PYGB: variants seen among roughly 807,000 people sequenced by gnomAD.
The protein encoded by PYGB is glycogen phosphorylase, brain form.
A neutral mutation model predicts 94.3 loss-of-function variants in PYGB; 82 were observed. That is an observed-to-expected ratio of 0.87 (90% CI 0.73 to 1.04). PYGB has a LOEUF of 1.04. Among genes scored for constraint, PYGB ranks in the 50% least tolerant of loss-of-function variants. The pLI, the probability that PYGB is intolerant of heterozygous loss-of-function variation, is 0.00. For synonymous variants in PYGB, 488 were observed against 479.1 expected (o/e 1.02, Z -0.24); for missense variants, 1,132 against 1,158.2 (o/e 0.98, Z 0.33).
In PYGB at chr20:25,297,944, CT is replaced by C. The variant is rs1416781602; in HGVS notation, c.*1423del. 1 of 152,312 alleles carries C rather than the reference CT, an allele frequency of 6.6e-6. No homozygotes were observed. The highest frequency in any genetic ancestry group is 1.5e-5 in the Non-Finnish European group (1 of 68,104). 9.4% of individuals were successfully genotyped at this position (152,312 alleles called of 1,614,324 possible). ...ACTGGGGCCACCACCCTGACCACCA[CT>C]GTGCCCCTCATTGTTACTGCCTTGT... On this transcript the variant is annotated 3_prime_UTR_variant, in exon 20 of 20. Coordinates refer to ENST00000216962, the MANE Select transcript of PYGB (RefSeq NM_002862.4).
chr20:25,269,470 C>T (rs111313928), intron 3 of PYGB, among the ~76,000 whole-genome samples: 3,137 of 152,292 alleles, frequency 0.021, 101 homozygotes, highest in African/African-American at 0.071. Context: ...GAGGGGCTCC[C>T]GATATGCTGA....
intron 1 of PYGB, among the ~76,000 whole-genome samples, chr20:25,252,216 T>G (rs950249935): frequency 2.0e-5 from 3 of 152,238 alleles, no homozygotes; most frequent in African/African-American, 7.2e-5. Flanking sequence ...AGGCCTCAGC[T>G]GTCATTTTAG....
Position 25,296,605 on chromosome 20 carries a change from G to C in PYGB, c.*83G>C. The C allele has an allele frequency of 6.7e-7, 1 of 1,502,818 alleles. No individual in the cohort carries two copies. The highest frequency in any genetic ancestry group is 8.9e-7 in the Non-Finnish European group (1 of 1,117,414). 93.1% of individuals were successfully genotyped at this position (1,502,818 alleles called of 1,614,324 possible). A position where few individuals can be genotyped will look rare whatever the true frequency, so the allele number is the denominator to read the frequency against. On this transcript the variant is annotated 3_prime_UTR_variant, in exon 20 of 20. Transcript: ENST00000216962. ...CCTTTTTTCCCCAAACACTTTGCCA[G>C]CCACTGGTGGTCCCTGCTTTTCTGA...
chr20:25,257,604 G>A (rs551139548), intron 1 of PYGB, among the ~76,000 whole-genome samples: 1 of 152,274 alleles, frequency 6.6e-6, no homozygotes, highest in African/African-American at 2.4e-5. Context: ...TGAGACGCGA[G>A]GATCACTTGA....
At chr20:25,272,276 A>G (rs1055273145) in intron 4 of PYGB, among the ~76,000 whole-genome samples, 1 of 152,220 alleles carries the variant, frequency 6.6e-6, no homozygotes, top group Non-Finnish European at 1.5e-5. Context: ...TACAACCCCA[A>G]TGAATGTGTG....
chr20:25,248,674 C>T (rs893506163), intron 1 of PYGB, among the ~76,000 whole-genome samples: 31 of 140,404 alleles, frequency 2.2e-4, no homozygotes, highest in African/African-American at 7.5e-4. Context: ...CGCCGTCCCC[C>T]GCAGATGATG....
In PYGB at chr20:25,280,380, A is replaced by G; in HGVS notation, c.1207A>G (p.Ile403Val). Residue 403 changes from isoleucine to valine, a missense_variant, in exon 10 of 20, where the codon ATA (isoleucine) becomes GTA (valine). By Grantham distance (29) the Ile-to-Val change is conservative (BLOSUM62 3). Transcript: ENST00000216962. ...GAAGCTGCTGCCGCGGCACCTGGAG[A>G]TAATCTATGCCATCAACCAGCGGCA... ...FEKLLPRHLE[I>V]IYAINQRHLD... The G allele has an allele frequency of 6.2e-7, 1 of 1,614,148 alleles. No homozygotes were observed. The highest frequency in any genetic ancestry group is 8.5e-7 in the Non-Finnish European group (1 of 1,180,014).
chr20:25,283,098 G>A, intron 12 of PYGB, 78 bp from the exon 13 acceptor site: 1 of 1,216,580 alleles, frequency 8.2e-7, no homozygotes, highest in Non-Finnish European at 1.2e-6. Context: ...GGGCAACAAT[G>A]GGAGGAGGGC....
At position 25,282,135 on chromosome 20, in the gene PYGB, T is replaced by C; in HGVS notation, c.1506T>C (p.Asp502=). 1 of 1,612,144 alleles carries C rather than the reference T, an allele frequency of 6.2e-7. No individual in the cohort carries two copies. Among genetic ancestry groups the C allele is most frequent in the Non-Finnish European group, 8.5e-7 (1 of 1,179,154 alleles). The change falls in exon 12 of 20, where the codon GAT becomes GAC. Residue 502 remains aspartate (D), a synonymous_variant. Transcript: ENST00000216962. The part of the protein sequence containing the change: ...WLLLCNPGLA[D]TIVEKIGEEF... ...TGCTGTGCAACCCGGGGCTGGCCGA[T>C]ACCATCGTGGAGGTGAGTCCCGGGC...
chr20:25,294,984 C>G, intron 18 of PYGB: 1 of 1,614,222 alleles, frequency 6.2e-7, no homozygotes. Context: ...CACACCAGCT[C>G]TGACCACATG....
At chr20:25,286,051 G>GGT (rs1361789779) in intron 14 of PYGB, among the ~76,000 whole-genome samples, 5 of 152,154 alleles carry the variant, frequency 3.3e-5, no homozygotes, top group African/African-American at 1.2e-4. Context: ...CTGGAGGGTG[G>GGT]GTGTGTGTGC....
At chr20:25,286,172 G>GAAC (rs2088416630) in intron 14 of PYGB, among the ~76,000 whole-genome samples, 2 of 152,240 alleles carry the variant, frequency 1.3e-5, no homozygotes, top group African/African-American at 2.4e-5. Flanking sequence ...GGTGCTTGTT[G>GAAC]AACGTGTTGC....
intron 14 of PYGB, chr20:25,285,281 T>C (rs1486180805): frequency 6.6e-6 from 1 of 152,136 alleles, no homozygotes; most frequent in African/African-American, 2.4e-5. Context: ...CCTCCTGCAG[T>C]TGTGATGCTC....
intron 2 of PYGB, among the ~76,000 whole-genome samples, chr20:25,261,866 A>G (rs543047109): frequency 1.2e-3 from 176 of 152,360 alleles, no homozygotes; most frequent in Admixed American, 3.1e-3. Flanking sequence ...GATCAACTGG[A>G]AAAAAGGGTA....
chr20:25,252,659 T>G (rs371336771), intron 1 of PYGB, among the ~76,000 whole-genome samples: 5 of 152,248 alleles, frequency 3.3e-5, no homozygotes, highest in Admixed American at 2.0e-4. Context: ...ATAGAAGATA[T>G]GCAGAGGGCA....
chr20:25,269,520 C>T (rs1246107273), intron 3 of PYGB, among the ~76,000 whole-genome samples: 2 of 151,462 alleles, frequency 1.3e-5, no homozygotes, highest in Non-Finnish European at 3.0e-5. Flanking sequence ...TGGCAGACAG[C>T]CCAAAGGATG....
In PYGB at chr20:25,292,521, C is replaced by T. The variant is rs992488336; in HGVS notation, c.2085C>T (p.Gly695=). 13 of 1,613,394 alleles carry T rather than the reference C, an allele frequency of 8.1e-6. No individual in the cohort carries two copies. Among genetic ancestry groups the T allele is most frequent in the African/African-American group, 2.7e-5 (2 of 74,946 alleles). The change falls in exon 17 of 20, where the codon GGC becomes GGT. Residue 695 remains glycine (G), a synonymous_variant. Coordinates refer to ENST00000216962, the MANE Select transcript of PYGB (RefSeq NM_002862.4). ...CCCTCACCATCGGCACCATGGACGGCGCCAACGTGGAGATGGCCGAGGAGG... is the reference window on the plus strand; with the variant it reads ...CCCTCACCATCGGCACCATGGACGGTGCCAACGTGGAGATGGCCGAGGAGG... ...NGALTIGTMD[G]ANVEMAEEAG...
Position 25,281,084 on chromosome 20 carries a change from A to T in PYGB, c.1375A>T (p.Ile459Phe). The change falls in exon 11 of 20, where the codon ATC becomes TTC. Residue 459 changes from isoleucine (I) to phenylalanine (F), a missense_variant. Ile to Phe is a conservative substitution (Grantham distance 21). Transcript: ENST00000216962. ...GSHAVNGVARIHSEIVKQSVF... is the reference protein window; with the variant it reads ...GSHAVNGVARFHSEIVKQSVF... Reference sequence around the variant, plus strand: ...CCATGCTGTCAATGGTGTGGCGAGGATCCACTCGGAGATCGTGAAACAGTC... The same window carrying T: ...CCATGCTGTCAATGGTGTGGCGAGGTTCCACTCGGAGATCGTGAAACAGTC... 1 of 1,614,142 alleles carries T rather than the reference A, an allele frequency of 6.2e-7. No homozygotes were observed. The highest frequency in any genetic ancestry group is 1.1e-5 in the South Asian group (1 of 91,074).
chr20:25,296,329 C>A, intron 19 of PYGB, 41 bp from the exon 20 acceptor site: 3 of 1,610,930 alleles, frequency 1.9e-6, no homozygotes, highest in Non-Finnish European at 2.5e-6. Context: ...CAGCCCCAAG[C>A]CCTGTGACGC....
Sources: gnomAD v4.1 joint callset for allele counts (sites outside exome capture counted in the v4.1 genomes callset) on GRCh38, gnomAD v4.1.1 for gene constraint, MANE v1.5 for transcripts, NCBI Gene and HGNC (gene_info 2026-07-23, HGNC 2026-07-21) for gene names.